Variants in EMCN observed in about 807,000 individuals in gnomAD.
EMCN encodes MUC-14.
Under a neutral mutation model 38.4 loss-of-function variants are expected in EMCN, and 37 were observed. The ratio of observed to expected loss-of-function variants is 0.96; its 90% confidence interval spans 0.74 to 1.27. EMCN has a LOEUF of 1.27. Ranked by LOEUF, EMCN falls within the 50% of genes most tolerant of loss-of-function variation. The probability of loss-of-function intolerance (pLI) is 0.00; values close to 1 mark genes in which losing one functional copy is unlikely to be tolerated. For synonymous variants in EMCN, 95 were observed against 100.8 expected (o/e 0.94, Z 0.35); for missense variants, 318 against 302.8 (o/e 1.05, Z -0.37).
At chr4:100,443,255 T>C (rs964116917) in intron 5 of EMCN, among the ~76,000 whole-genome samples, 6 of 152,254 alleles carry the variant, frequency 3.9e-5, no homozygotes, top group African/African-American at 1.4e-4. Context: ...CTTCCTTGCT[T>C]TCATGTTCCT....
At chr4:100,505,108 A>T (rs12642994) in intron 1 of EMCN, among the ~76,000 whole-genome samples, 1 of 152,178 alleles carries the variant, frequency 6.6e-6, no homozygotes, top group African/African-American at 2.4e-5. Context: ...TGTGACCCAC[A>T]TGACCTTACC....
chr4:100,476,969 G>T (rs1728668502), intron 2 of EMCN, among the ~76,000 whole-genome samples: 1 of 152,096 alleles, frequency 6.6e-6, no homozygotes, highest in Non-Finnish European at 1.5e-5. Flanking sequence ...TTCCAAGAAT[G>T]TTTTTAAAAT....
At chr4:100,410,467 A>G in intron 10 of EMCN, 112 bp from the exon 11 acceptor site, 3 of 1,037,146 alleles carry the variant, frequency 2.9e-6, no homozygotes, top group Non-Finnish European at 4.4e-6. Context: ...TTCCTGCAAG[A>G]ATGTCATTAA....
Position 100,497,940 on chromosome 4 carries a change from A to G in EMCN, c.65-17901T>C, listed in dbSNP as rs111373603. On this transcript the variant is annotated intron_variant, in intron 1 of 11. Transcript: ENST00000296420. ...AAATGAGTCATTAATATGGTATTTT[A>G]TTTTAAAATCTTATTTTCAAATGGT... 1.7e-3 allele frequency among the ~76,000 whole-genome samples: 265 copies of G among 152,338 alleles called. 3 individuals are homozygous for G. The highest frequency in any genetic ancestry group is 5.9e-3 in the African/African-American group (247 of 41,592).
intron 5 of EMCN, among the ~76,000 whole-genome samples, chr4:100,431,557 G>A (rs777240180): frequency 5.3e-5 from 8 of 152,088 alleles, no homozygotes; most frequent in Non-Finnish European, 1.0e-4. Context: ...CTGAAACACT[G>A]GCTCTTCTTG....
chr4:100,516,944 T>C (rs1386665593), intron 1 of EMCN, among the ~76,000 whole-genome samples: 1 of 152,114 alleles, frequency 6.6e-6, no homozygotes. Flanking sequence ...ATTTTCACAC[T>C]TATTAAATCT....
intron 4 of EMCN, among the ~76,000 whole-genome samples, chr4:100,452,853 G>C (rs551204647): frequency 5.9e-5 from 9 of 152,176 alleles, no homozygotes; most frequent in South Asian, 4.2e-4. Flanking sequence ...GAACAGAACA[G>C]AGCCCTCAGA....
At chr4:100,510,321 T>C (rs1467000683) in intron 1 of EMCN, among the ~76,000 whole-genome samples, 1 of 152,220 alleles carries the variant, frequency 6.6e-6, no homozygotes, top group Non-Finnish European at 1.5e-5. Flanking sequence ...TACACCTGTT[T>C]GCATATAATG....
chr4:100,482,513 G>A (rs1381809448), intron 1 of EMCN, among the ~76,000 whole-genome samples: 1 of 152,110 alleles, frequency 6.6e-6, no homozygotes, highest in Non-Finnish European at 1.5e-5. Context: ...ATCCATGCAG[G>A]GAGAGGAAAG....
chr4:100,404,091 T>C (rs552458642), intron 11 of EMCN, among the ~76,000 whole-genome samples: 4 of 152,208 alleles, frequency 2.6e-5, no homozygotes, highest in African/African-American at 9.6e-5. Context: ...CTTGTTAGTT[T>C]TTGTTTTTGT....
At chr4:100,502,569 C>A (rs1729378412) in intron 1 of EMCN, among the ~76,000 whole-genome samples, 1 of 151,956 alleles carries the variant, frequency 6.6e-6, no homozygotes, top group African/African-American at 2.4e-5. Context: ...CTTTCCAATT[C>A]TTAATATATT....
At chr4:100,460,467 G>A (rs943328047) in intron 4 of EMCN, among the ~76,000 whole-genome samples, 2 of 152,142 alleles carry the variant, frequency 1.3e-5, no homozygotes, top group Admixed American at 1.3e-4. Flanking sequence ...AATTCCACAT[G>A]GCAGGGGAGG....
intron 5 of EMCN, among the ~76,000 whole-genome samples, chr4:100,423,709 G>A (rs1006540590): frequency 6.6e-6 from 1 of 152,048 alleles, no homozygotes; most frequent in African/African-American, 2.4e-5. Flanking sequence ...GATTCTTGTG[G>A]GATGTAAATC....
At chr4:100,404,824 T>C (rs1248785276) in intron 11 of EMCN, among the ~76,000 whole-genome samples, 3 of 152,168 alleles carry the variant, frequency 2.0e-5, no homozygotes, top group African/African-American at 7.2e-5. Flanking sequence ...TTTTTAACAA[T>C]ATTGATTCTT....
In EMCN at chr4:100,436,457, T is replaced by C. The variant is rs142305282; in HGVS notation, c.415+11076A>G. Among the ~76,000 whole-genome samples, 458 of 152,230 alleles carry C rather than the reference T, an allele frequency of 3.0e-3. No homozygotes were observed. In the Middle Eastern group the frequency reaches 0.037, roughly 12 times the overall value. ...CCATTGTGGAAGACAGTGTAGCAAT[T>C]CCTCAAAGACCTAGAGGCAGAAATA... On this transcript the variant is annotated intron_variant, in intron 5 of 11. Transcript: ENST00000296420.
intron 5 of EMCN, among the ~76,000 whole-genome samples, chr4:100,428,632 T>A (rs577240203): frequency 6.6e-6 from 1 of 152,286 alleles, no homozygotes; most frequent in South Asian, 2.1e-4. Flanking sequence ...ACTGAATGTA[T>A]AAACAAACTT....
At chr4:100,480,777 A>G (rs932364152) in intron 1 of EMCN, among the ~76,000 whole-genome samples, 17 of 151,960 alleles carry the variant, frequency 1.1e-4, no homozygotes, top group African/African-American at 4.1e-4. Flanking sequence ...GATCCATATT[A>G]TATATTTCTT....
chr4:100,490,174 T>TAAAAAAAAAA (rs35563606), intron 1 of EMCN, among the ~76,000 whole-genome samples: 1 of 120,372 alleles, frequency 8.3e-6, no homozygotes. Context: ...CTTGAAAAAG[T>TAAAAAAAAAA]AAAAAAAAAA....
intron 5 of EMCN, among the ~76,000 whole-genome samples, chr4:100,441,153 C>T (rs1727505282): frequency 1.3e-5 from 2 of 151,552 alleles, no homozygotes; most frequent in South Asian, 4.2e-4. Flanking sequence ...TTTCTCCTTT[C>T]ATGTCCATTA....
Sources: gnomAD v4.1 joint callset for allele counts (sites outside exome capture counted in the v4.1 genomes callset) on GRCh38, gnomAD v4.1.1 for gene constraint, MANE v1.5 for transcripts, NCBI Gene and HGNC (gene_info 2026-07-23, HGNC 2026-07-21) for gene names.